CALCR: variants seen among roughly 807,000 people sequenced by gnomAD.
The protein encoded by CALCR is calcitonin receptor.
Under a neutral mutation model 59.5 loss-of-function variants are expected in CALCR, and 47 were observed. The ratio of observed to expected loss-of-function variants is 0.79; its 90% CI spans 0.63 to 1.01. The LOEUF (loss-of-function observed/expected upper bound fraction) is 1.01, where lower values mean the gene tolerates loss of function less well. Among genes scored for constraint, CALCR ranks in the 50% least tolerant of loss-of-function variants. The pLI, the probability that CALCR is intolerant of heterozygous loss-of-function variation, is 0.00. For synonymous variants in CALCR, 213 were observed against 211.3 expected (o/e 1.01, Z -0.07); for missense variants, 566 against 597.1 (o/e 0.95, Z 0.54).
At chr7:93,546,094 C>A (rs1789278227) in intron 2 of CALCR, among the ~76,000 whole-genome samples, 1 of 152,088 alleles carries the variant, frequency 6.6e-6, no homozygotes, top group Non-Finnish European at 1.5e-5. Flanking sequence ...ATCCCATAGG[C>A]AATATTAGTA....
At chr7:93,444,809 ACT>A in intron 8 of CALCR, among the ~76,000 whole-genome samples, 1 of 152,052 alleles carries the variant, frequency 6.6e-6, no homozygotes. Flanking sequence ...TTTACCAAAT[ACT>A]CTGTTTTACA....
chr7:93,513,481 G>A (rs1801591292), intron 2 of CALCR, among the ~76,000 whole-genome samples: 1 of 151,938 alleles, frequency 6.6e-6, no homozygotes, highest in African/African-American at 2.4e-5. Context: ...TTGAGTAGTA[G>A]TCCCATGTTT....
intron 8 of CALCR, among the ~76,000 whole-genome samples, chr7:93,454,397 G>T (rs201304031): frequency 6.6e-6 from 1 of 151,942 alleles, no homozygotes; most frequent in Non-Finnish European, 1.5e-5. Flanking sequence ...AATAGGACTC[G>T]ATTGTTTCAG....
chr7:93,474,994 G>A (rs757715107), intron 5 of CALCR, among the ~76,000 whole-genome samples: 4 of 151,614 alleles, frequency 2.6e-5, no homozygotes, highest in African/African-American at 4.8e-5. Flanking sequence ...TTATTGGGCT[G>A]AAAAATCACT....
At chr7:93,509,242 A>G (rs1000709092) in intron 2 of CALCR, among the ~76,000 whole-genome samples, 6 of 152,162 alleles carry the variant, frequency 3.9e-5, no homozygotes, top group African/African-American at 1.4e-4. Flanking sequence ...ATGGGGTTTT[A>G]GACAGGAAAT....
chr7:93,493,830 G>A (rs1055367191), intron 2 of CALCR, among the ~76,000 whole-genome samples: 5 of 151,292 alleles, frequency 3.3e-5, no homozygotes, highest in African/African-American at 1.2e-4. Context: ...CTTTTAATTT[G>A]TGTCTTTCTT....
intron 2 of CALCR, among the ~76,000 whole-genome samples, chr7:93,550,580 GCATTTC>G (rs1207291058): frequency 2.5e-5 from 3 of 120,706 alleles, no homozygotes; most frequent in Non-Finnish European, 5.0e-5. Context: ...TTATAACCAA[GCATTTC>G]CATTTGGGCT....
chr7:93,427,264 C>T (rs895318856), intron 13 of CALCR, among the ~76,000 whole-genome samples: 8 of 152,092 alleles, frequency 5.3e-5, no homozygotes, highest in Non-Finnish European at 8.8e-5. Context: ...AATATGAAAA[C>T]TACAATAACC....
At chr7:93,465,807 A>G (rs1800429491) in intron 7 of CALCR, among the ~76,000 whole-genome samples, 1 of 151,940 alleles carries the variant, frequency 6.6e-6, no homozygotes, top group Admixed American at 6.6e-5. Context: ...TCAGAATAAA[A>G]TTACATTAAG....
At chr7:93,444,236 G>A (rs17165459) in intron 8 of CALCR, among the ~76,000 whole-genome samples, 20,887 of 152,022 alleles carry the variant, frequency 0.14, 1,834 homozygotes, top group East Asian at 0.46. Context: ...TATAAACCCA[G>A]GAGATACGCT....
intron 2 of CALCR, among the ~76,000 whole-genome samples, chr7:93,501,719 G>T (rs970819161): frequency 6.6e-6 from 1 of 152,102 alleles, no homozygotes; most frequent in Non-Finnish European, 1.5e-5. Context: ...AAAGGACGCA[G>T]TGCAGAACTA....
At chr7:93,531,313 T>C (rs1394517082) in intron 2 of CALCR, among the ~76,000 whole-genome samples, 1 of 152,112 alleles carries the variant, frequency 6.6e-6, no homozygotes, top group Non-Finnish European at 1.5e-5. Flanking sequence ...ATGGAAATTA[T>C]TGAGTCGGAA....
At chr7:93,442,226 T>C (rs1412256282) in intron 9 of CALCR, among the ~76,000 whole-genome samples, 1 of 152,306 alleles carries the variant, frequency 6.6e-6, no homozygotes, top group African/African-American at 2.4e-5. Flanking sequence ...TTCCATGAGA[T>C]ACGCTAGATT....
intron 2 of CALCR, among the ~76,000 whole-genome samples, chr7:93,523,045 A>G (rs1417973722): frequency 1.3e-5 from 2 of 152,202 alleles, no homozygotes; most frequent in Non-Finnish European, 2.9e-5. Context: ...AATACTGATC[A>G]CTTTGAAATA....
rs571937536 is a variant in CALCR at position 93,470,734 on chromosome 7, TTTTTTA to T, written c.429+1635_429+1640del. On this transcript the variant is annotated intron_variant, in intron 6 of 13. Coordinates refer to ENST00000426151, the MANE Select transcript of CALCR (RefSeq NM_001742.4). Reference sequence around the variant, plus strand: ...GGAAGATTTGTGGAAAGCATTTTATTTTTTTATTTTTATTTTTATTTTTTCAATATT... The same window carrying T: ...GGAAGATTTGTGGAAAGCATTTTATTTTTTTATTTTTATTTTTTCAATATT... Among the ~76,000 whole-genome samples, 707 of 151,556 alleles carry T rather than the reference TTTTTTA, an allele frequency of 4.7e-3. 5 individuals are homozygous for T. The highest frequency in any genetic ancestry group is 0.016 in the African/African-American group (681 of 41,468).
intron 13 of CALCR, among the ~76,000 whole-genome samples, chr7:93,430,227 G>T (rs181370601): frequency 8.1e-4 from 124 of 152,214 alleles, no homozygotes; most frequent in Admixed American, 1.9e-3. Context: ...GAGCCACCAC[G>T]CCTGGCCTAG....
intron 2 of CALCR, among the ~76,000 whole-genome samples, chr7:93,519,224 A>G (rs890960600): frequency 6.6e-6 from 1 of 152,002 alleles, no homozygotes; most frequent in Non-Finnish European, 1.5e-5. Context: ...CTTGTTTGTC[A>G]TATATCTAGA....
At chr7:93,448,860 A>G (rs1800054869) in intron 8 of CALCR, among the ~76,000 whole-genome samples, 1 of 151,950 alleles carries the variant, frequency 6.6e-6, no homozygotes, top group Admixed American at 6.6e-5. Context: ...GAGGTGGCTG[A>G]CTGTTGATTT....
At chr7:93,493,182 A>G (rs1175514098) in intron 2 of CALCR, among the ~76,000 whole-genome samples, 2 of 151,460 alleles carry the variant, frequency 1.3e-5, no homozygotes, top group South Asian at 2.1e-4. Flanking sequence ...AATTGCATAC[A>G]CATGTTTATT....
Sources: gnomAD v4.1 joint callset for allele counts (sites outside exome capture counted in the v4.1 genomes callset) on GRCh38, gnomAD v4.1.1 for gene constraint, MANE v1.5 for transcripts, NCBI Gene and HGNC (gene_info 2026-07-23, HGNC 2026-07-21) for gene names.